Variants in LUZP2 observed in about 807,000 individuals in gnomAD.
LUZP2 encodes leucine zipper protein 2.
Under a neutral mutation model 51.6 loss-of-function variants are expected in LUZP2, and 52 were observed. The ratio of observed to expected loss-of-function variants is 1.01; its 90% CI spans 0.81 to 1.27. The LOEUF is 1.27. Among genes scored for constraint, LUZP2 ranks in the 50% most tolerant of loss-of-function variants. The pLI, the probability that LUZP2 is intolerant of heterozygous loss-of-function variation, is 0.00. For missense variants in LUZP2, 436 were observed against 395.4 expected (o/e 1.10, Z -0.87); for synonymous variants, 154 against 137.3 (o/e 1.12, Z -0.85).
chr11:25,013,551 T>C (rs1406087690), intron 9 of LUZP2, among the ~76,000 whole-genome samples: 3 of 152,144 alleles, frequency 2.0e-5, no homozygotes, highest in African/African-American at 4.8e-5. Context: ...ATATATTTAA[T>C]ATAACTATGG....
chr11:24,568,355 G>GAAAAAAAAAAAAAAAAA (rs35908367), intron 1 of LUZP2, among the ~76,000 whole-genome samples: 2 of 127,252 alleles, frequency 1.6e-5, no homozygotes, highest in African/African-American at 3.2e-5. Context: ...ATCTGTCTCA[G>GAAAAAAAAAAAAAAAAA]AAAAAAAAAA....
At chr11:24,999,692 C>G (rs1232741524) in intron 9 of LUZP2, among the ~76,000 whole-genome samples, 18 of 152,056 alleles carry the variant, frequency 1.2e-4, no homozygotes, top group Non-Finnish European at 1.5e-5. Context: ...GTGACACATG[C>G]AATGTTATAT....
chr11:25,002,823 A>G (rs762993639), intron 9 of LUZP2, among the ~76,000 whole-genome samples: 1 of 152,084 alleles, frequency 6.6e-6, no homozygotes, highest in Non-Finnish European at 1.5e-5. Context: ...AAGATTTTGA[A>G]GGCTATTTCT....
intron 1 of LUZP2, among the ~76,000 whole-genome samples, chr11:24,683,880 A>G (rs971233298): frequency 6.6e-6 from 1 of 152,112 alleles, no homozygotes; most frequent in African/African-American, 2.4e-5. Context: ...ACAGAAAACC[A>G]AAACAGAACC....
chr11:24,769,490 T>C (rs1176387688), intron 5 of LUZP2, among the ~76,000 whole-genome samples: 1 of 152,148 alleles, frequency 6.6e-6, no homozygotes, highest in Non-Finnish European at 1.5e-5. Context: ...GAACATCACA[T>C]TGCAGCTGAT....
chr11:24,574,766 T>G (rs1852587996), intron 1 of LUZP2, among the ~76,000 whole-genome samples: 1 of 152,128 alleles, frequency 6.6e-6, no homozygotes, highest in East Asian at 1.9e-4. Flanking sequence ...GGATTTTGTC[T>G]TTCTTGATCA....
chr11:24,976,520 A>G (rs985387526), intron 7 of LUZP2, 71 bp from the exon 8 acceptor site: 19 of 928,418 alleles, frequency 2.0e-5, no homozygotes, highest in Non-Finnish European at 4.8e-6. Context: ...CTTTGGCAAT[A>G]TATGACAGAT....
At chr11:24,694,030 C>T (rs570015803) in intron 1 of LUZP2, among the ~76,000 whole-genome samples, 1 of 151,918 alleles carries the variant, frequency 6.6e-6, no homozygotes, top group East Asian at 1.9e-4. Context: ...ATTCAGAGAG[C>T]AATTTGGAAA....
chr11:24,560,867 T>C (rs994487844), intron 1 of LUZP2, among the ~76,000 whole-genome samples: 3 of 152,182 alleles, frequency 2.0e-5, no homozygotes, highest in Non-Finnish European at 4.4e-5. Context: ...TAATTGGTTA[T>C]TGAGGATAGC....
intron 7 of LUZP2, among the ~76,000 whole-genome samples, chr11:24,926,268 TATAC>T (rs879679642): frequency 0.41 from 48,360 of 116,950 alleles, 13,935 homozygotes; most frequent in East Asian, 0.78. Flanking sequence ...TGTGTATATA[TATAC>T]GTGTATATAT....
At chr11:25,020,542 A>T (rs1327099830) in intron 9 of LUZP2, among the ~76,000 whole-genome samples, 1 of 151,874 alleles carries the variant, frequency 6.6e-6, no homozygotes, top group African/African-American at 2.4e-5. Flanking sequence ...ATGTTTCACT[A>T]GTCACATCTT....
intron 1 of LUZP2, among the ~76,000 whole-genome samples, chr11:24,567,352 A>G (rs1852280518): frequency 6.6e-6 from 1 of 152,158 alleles, no homozygotes. Context: ...AATTTGGAGC[A>G]TCAGTAATAC....
intron 5 of LUZP2, among the ~76,000 whole-genome samples, chr11:24,876,778 A>C (rs982818225): frequency 1.3e-5 from 2 of 150,226 alleles, no homozygotes; most frequent in African/African-American, 2.5e-5. Context: ...TTTCATTGAG[A>C]AGTGGTTTGT....
intron 1 of LUZP2, among the ~76,000 whole-genome samples, chr11:24,687,345 G>A (rs879450574): frequency 2.6e-5 from 4 of 152,056 alleles, no homozygotes; most frequent in Non-Finnish European, 5.9e-5. Context: ...CATTGTCATA[G>A]GCAAAAATCA....
intron 1 of LUZP2, among the ~76,000 whole-genome samples, chr11:24,637,039 G>A (rs1341468086): frequency 6.6e-6 from 1 of 151,338 alleles, no homozygotes; most frequent in Non-Finnish European, 1.5e-5. Context: ...GTTTAAAAAG[G>A]GAAAATCTTG....
chr11:24,917,461 G>T (rs1205648546), intron 7 of LUZP2, among the ~76,000 whole-genome samples: 1 of 152,046 alleles, frequency 6.6e-6, no homozygotes, highest in African/African-American at 2.4e-5. Flanking sequence ...GATTTTTATG[G>T]TTTTAGGTCT....
intron 1 of LUZP2, among the ~76,000 whole-genome samples, chr11:24,532,798 A>G (rs566485043): frequency 6.6e-6 from 1 of 151,190 alleles, no homozygotes; most frequent in Admixed American, 6.6e-5. Context: ...CTAATTATAT[A>G]AATACTTCAG....
intron 1 of LUZP2, among the ~76,000 whole-genome samples, chr11:24,587,995 G>A (rs954963813): frequency 6.6e-6 from 1 of 151,988 alleles, no homozygotes; most frequent in Non-Finnish European, 1.5e-5. Flanking sequence ...ATTAGTTCAA[G>A]GTCTGATATG....
At chr11:25,052,693 A>T (rs78720717) in intron 10 of LUZP2, among the ~76,000 whole-genome samples, 1 of 152,040 alleles carries the variant, frequency 6.6e-6, no homozygotes, top group African/African-American at 2.4e-5. Context: ...CAGTCTAGAG[A>T]CTTAAGCTGC....
Sources: gnomAD v4.1 joint callset for allele counts (sites outside exome capture counted in the v4.1 genomes callset) on GRCh38, gnomAD v4.1.1 for gene constraint, MANE v1.5 for transcripts, NCBI Gene and HGNC (gene_info 2026-07-23, HGNC 2026-07-21) for gene names.